RIGI: variants seen among roughly 807,000 people sequenced by gnomAD.
RIGI encodes the protein RNA sensor RIG-I.
At chr9:32,518,692 T>C in the RIGI span, among the ~76,000 whole-genome samples, 1 of 152,218 alleles carries the variant, frequency 6.6e-6, no homozygotes, top group Admixed American at 6.5e-5. Context: ...TTTCTTAATA[T>C]AGTTAACCAT....
chr9:32,459,281 T>C, the RIGI span: 3 of 1,427,938 alleles, frequency 2.1e-6, no homozygotes, highest in Admixed American at 4.4e-5. Context: ...ACAATGGAAA[T>C]AATAGTAGTT....
the RIGI span, among the ~76,000 whole-genome samples, chr9:32,491,713 C>CAAA: frequency 4.0e-5 from 4 of 100,412 alleles, no homozygotes; most frequent in Non-Finnish European, 4.1e-5. Context: ...TCGTATGCAC[C>CAAA]AAAAAAAAAA....
the RIGI span, among the ~76,000 whole-genome samples, chr9:32,458,137 C>A: frequency 6.6e-6 from 1 of 152,136 alleles, no homozygotes; most frequent in African/African-American, 2.4e-5. Context: ...AGTAATAACT[C>A]CTCATCTGAG....
At chr9:32,456,394 TATGTTCTC>T in the RIGI span, 6 of 152,166 alleles carry the variant, frequency 3.9e-5, no homozygotes, top group Admixed American at 3.9e-4. Context: ...AAAATGGCTT[TATGTTCTC>T]ATGTTCTCTG....
chr9:32,506,244 T>C, the RIGI span, among the ~76,000 whole-genome samples: 2 of 152,218 alleles, frequency 1.3e-5, no homozygotes, highest in African/African-American at 2.4e-5. Context: ...AATCCATAAA[T>C]GAATAAATGA....
the RIGI span, among the ~76,000 whole-genome samples, chr9:32,507,704 A>T: frequency 2.0e-5 from 3 of 151,970 alleles, no homozygotes; most frequent in African/African-American, 7.2e-5. Flanking sequence ...GAAGTACAGT[A>T]GCATGATCAT....
At chr9:32,520,459 G>T in the RIGI span, among the ~76,000 whole-genome samples, 1 of 152,094 alleles carries the variant, frequency 6.6e-6, no homozygotes, top group Non-Finnish European at 1.5e-5. Context: ...ATCCAAAAAA[G>T]ACACCAATAC....
the RIGI span, chr9:32,459,246 A>T: frequency 8.4e-7 from 1 of 1,190,562 alleles, no homozygotes; most frequent in African/African-American, 1.6e-5. Flanking sequence ...AGCTTTTTTT[A>T]AATACACAGA....
the RIGI span, among the ~76,000 whole-genome samples, chr9:32,469,251 G>T: frequency 6.6e-6 from 1 of 151,970 alleles, no homozygotes; most frequent in Non-Finnish European, 1.5e-5. Flanking sequence ...CTTTTATTTT[G>T]CCCTGCCCCT....
chr9:32,522,334 T>G, the RIGI span, among the ~76,000 whole-genome samples: 1 of 152,232 alleles, frequency 6.6e-6, no homozygotes, highest in East Asian at 1.9e-4. Context: ...TCTCTCTCCC[T>G]AATTTCTCCA....
chr9:32,520,732 CCT>C, the RIGI span, among the ~76,000 whole-genome samples: 4 of 152,068 alleles, frequency 2.6e-5, no homozygotes, highest in Non-Finnish European at 4.4e-5. Flanking sequence ...TGTCTGGGCC[CCT>C]GTGTCATAAC....
chr9:32,456,043 A>C, the RIGI span: 1 of 152,210 alleles, frequency 6.6e-6, no homozygotes. Context: ...TTGAAGCATC[A>C]GCAAACCTTG....
the RIGI span, chr9:32,456,947 G>T: frequency 1.7e-6 from 1 of 590,126 alleles, no homozygotes; most frequent in Non-Finnish European, 3.0e-6. Flanking sequence ...AATACTCAGT[G>T]CTGTGATTCA....
At chr9:32,526,053 A>G in the RIGI span, 1 of 1,605,202 alleles carries the variant, frequency 6.2e-7, no homozygotes. Context: ...GCCGCTGGAG[A>G]CACTCACCCT....
the RIGI span, among the ~76,000 whole-genome samples, chr9:32,465,874 G>T: frequency 7.2e-5 from 11 of 152,146 alleles, no homozygotes; most frequent in Admixed American, 2.0e-4. Flanking sequence ...ATCTGAATAG[G>T]CATCCCATTC....
chr9:32,466,025 T>C, the RIGI span, among the ~76,000 whole-genome samples: 1 of 152,220 alleles, frequency 6.6e-6, no homozygotes, highest in Non-Finnish European at 1.5e-5. Context: ...TATTAGGATA[T>C]AGTCCTCGAG....
At chr9:32,474,501 T>C in the RIGI span, among the ~76,000 whole-genome samples, 3 of 152,320 alleles carry the variant, frequency 2.0e-5, no homozygotes, top group Non-Finnish European at 4.4e-5. Flanking sequence ...CAAGATGAAG[T>C]TATGACTGTG....
chr9:32,464,442 T>C, the RIGI span, among the ~76,000 whole-genome samples: 435 of 152,248 alleles, frequency 2.9e-3, no homozygotes, highest in African/African-American at 9.7e-3. Context: ...CAGGCTGGAG[T>C]GCAGTGGCGC....
the RIGI span, chr9:32,481,332 G>A: frequency 3.7e-6 from 6 of 1,608,662 alleles, no homozygotes; most frequent in Non-Finnish European, 5.1e-6. Context: ...TTAAAAAGAG[G>A]AACGTACCCG....
Sources: allele counts gnomAD v4.1 joint callset (sites outside exome capture counted in the v4.1 genomes callset), GRCh38; gene constraint gnomAD v4.1.1; transcripts MANE v1.5; gene names NCBI Gene and HGNC (gene_info 2026-07-23, HGNC 2026-07-21).